Variants in ABCC3 observed in about 807,000 individuals in gnomAD.
ABCC3 encodes the protein ATP-binding cassette sub-family C member 3.
In ABCC3, 121 loss-of-function variants were observed where a neutral mutation model predicts 165.3. That is an observed-to-expected ratio of 0.73 (90% CI 0.63 to 0.85). ABCC3 has a LOEUF of 0.85. Among genes scored for constraint, ABCC3 ranks in the 40% least tolerant of loss-of-function variants. The pLI is 0.00. For synonymous variants in ABCC3, 733 were observed against 810.1 expected, an observed-to-expected ratio of 0.90 and a Z score of 1.62; for missense variants, 1,869 against 1,964.1, an observed-to-expected ratio of 0.95 and a Z score of 0.92.
At position 50,674,224 on chromosome 17, in the gene ABCC3, G is replaced by A. The variant is rs77446380; in HGVS notation, c.2599+566G>A. 1,985 of 151,388 alleles carry A rather than the reference G, an allele frequency of 0.013. 136 individuals are homozygous for A. The East Asian group carries it at 0.2, about 16-fold the overall frequency. 9.4% of individuals were successfully genotyped at this position (151,388 alleles called of 1,614,324 possible). On this transcript the variant is annotated intron_variant, in intron 19 of 30. Transcript: ENST00000285238. ...TGGGACTACAGGCATGCGCCACCACGCCTGGCTAATTTTTGTATTTTTAGT... is the reference window on the plus strand; with the variant it reads ...TGGGACTACAGGCATGCGCCACCACACCTGGCTAATTTTTGTATTTTTAGT...
Position 50,676,256 on chromosome 17 carries a change from C to T in ABCC3, c.3068-22C>T, listed in dbSNP as rs373846419. 1.9e-5 allele frequency: 31 copies of T among 1,601,534 alleles called. No individual in the cohort carries two copies. In the African/African-American group the frequency reaches 2.4e-4, roughly 12 times the overall value. On this transcript the variant is annotated intron_variant, in intron 22 of 30. Transcript: ENST00000285238. ...CCGCTCACTAGTCCAGGTGAGCCAG[C>T]GCCCTCTGCCTTCTCCAACAGGGTT... is the stretch of plus-strand genomic sequence containing the variant.
At chr17:50,667,502 G>C in intron 11 of ABCC3, 52 bp from the exon 12 acceptor site, 1 of 1,508,976 alleles carries the variant, frequency 6.6e-7, no homozygotes, top group Non-Finnish European at 9.1e-7. Context: ...CTGTGAGCAG[G>C]AGGTCAGGGG....
chr17:50,690,353 G>C (rs1968100310), intron 30 of ABCC3, among the ~76,000 whole-genome samples: 2 of 151,360 alleles, frequency 1.3e-5, no homozygotes. Context: ...GGGAGGGGGG[G>C]CGGTGGCCAG....
rs1399663095 is a variant in ABCC3, at chr17:50,673,575, T to C, written c.2516T>C (p.Leu839Pro). 1 of 1,614,232 alleles carries C rather than the reference T, an allele frequency of 6.2e-7. No homozygotes were observed. The highest frequency in any genetic ancestry group is 1.3e-5 in the African/African-American group (1 of 75,064). ...GAGATGGGCCCGTACCCAGCCCTGCTGCAGCGCAACGGCTCCTTTGCCAAC... is the reference window on the plus strand; with the variant it reads ...GAGATGGGCCCGTACCCAGCCCTGCCGCAGCGCAACGGCTCCTTTGCCAAC... ...VSEMGPYPAL[L>P]QRNGSFANFL... The change falls in exon 19 of 31, where the codon CTG (leucine) becomes CCG (proline). Residue 839 changes from leucine to proline, a missense_variant. Coordinates refer to ENST00000285238, the MANE Select transcript of ABCC3 (RefSeq NM_003786.4).
At chr17:50,669,117 A>G in intron 15 of ABCC3, 23 bp from the exon 16 acceptor site, 1 of 1,589,394 alleles carries the variant, frequency 6.3e-7, no homozygotes, top group East Asian at 2.2e-5. Flanking sequence ...CTCTAACTGG[A>G]CTCCTGGGGT....
chr17:50,678,096 G>T lies in ABCC3; in HGVS notation c.3582G>T (p.Trp1194Cys), dbSNP rs770270819. ...SCYPYIISNR[W>C]LSIGVEFVGN... The stretch of plus-strand genomic sequence containing the variant: ...CTCCTCATCTGATCCCCCATAGGTG[G>T]CTGAGCATCGGAGTGGAGTTCGTGG... The change falls in exon 25 of 31, where the codon TGG (tryptophan) becomes TGT (cysteine). Residue 1194 changes from tryptophan (W) to cysteine (C), a missense_variant. By Grantham distance (215) the Trp-to-Cys change is radical. Transcript: ENST00000285238. 15 of 1,604,348 alleles carry T rather than the reference G, an allele frequency of 9.3e-6. No individual in the cohort carries two copies. Among genetic ancestry groups the T allele is most frequent in the Non-Finnish European group, 1.3e-5 (15 of 1,173,968 alleles).
chr17:50,684,767 C>T lies in ABCC3; in HGVS notation c.4172C>T (p.Ser1391Leu), dbSNP rs1967992955. The T allele has an allele frequency of 6.2e-7, 1 of 1,614,170 alleles. No homozygotes were observed. The highest frequency in any genetic ancestry group is 1.1e-5 in the South Asian group (1 of 91,086). ...AACCTGGACCCCTTCGGCAGCTACT[C>T]AGAGGAGGACATTTGGTGGGCTTTG... ...RMNLDPFGSY[S>L]EEDIWWALEL... The change falls in exon 29 of 31, where the codon TCA becomes TTA. Residue 1391 changes from serine (S) to leucine (L), a missense_variant. Transcript: ENST00000285238.
chr17:50,638,892 A>G (rs970038270), intron 1 of ABCC3, among the ~76,000 whole-genome samples: 2 of 152,154 alleles, frequency 1.3e-5, no homozygotes, highest in African/African-American at 2.4e-5. Context: ...GGCCTGCTTC[A>G]GGTCTGGAGT....
At chr17:50,635,772 C>A in intron 1 of ABCC3, 1 of 593,946 alleles carries the variant, frequency 1.7e-6, no homozygotes, top group Non-Finnish European at 3.0e-6. Context: ...TAATCCCACC[C>A]TTTGGGAGGC....
Position 50,673,631 on chromosome 17 carries a change from C to A in ABCC3, c.2572C>A (p.Gln858Lys). ...CTGCAACTATGCCCCCGATGAGGACCAAGGGCACCTGGAGGACAGCTGGAC... is the reference window on the plus strand; with the variant it reads ...CTGCAACTATGCCCCCGATGAGGACAAAGGGCACCTGGAGGACAGCTGGAC... ...FLCNYAPDED[Q>K]GHLEDSWTAL... The change falls in exon 19 of 31, where the codon CAA (glutamine) becomes AAA (lysine). Residue 858 changes from glutamine to lysine, a missense_variant. Gln to Lys is a moderately conservative substitution (Grantham distance 53). Transcript: ENST00000285238. 1 of 1,614,192 alleles carries A rather than the reference C, an allele frequency of 6.2e-7. No individual in the cohort carries two copies. Among genetic ancestry groups the A allele is most frequent in the Non-Finnish European group, 8.5e-7 (1 of 1,180,026 alleles).
intron 1 of ABCC3, among the ~76,000 whole-genome samples, chr17:50,650,523 T>C (rs1169988144): frequency 2.0e-5 from 3 of 152,246 alleles, no homozygotes; most frequent in South Asian, 2.1e-4. Flanking sequence ...ACAACTCTTA[T>C]ATCCATTCAC....
At chr17:50,660,878 C>T in intron 7 of ABCC3, 45 bp from the exon 8 acceptor site, 1 of 1,533,514 alleles carries the variant, frequency 6.5e-7, no homozygotes. Flanking sequence ...TTCCTGGAGC[C>T]CCTGTCCCCA....
chr17:50,681,506 A>G (rs561013942), intron 26 of ABCC3, among the ~76,000 whole-genome samples: 13 of 152,138 alleles, frequency 8.5e-5, no homozygotes, highest in African/African-American at 2.9e-4. Flanking sequence ...TCCCATCCAC[A>G]TGCAAAAATA....
At chr17:50,665,352 A>G in intron 11 of ABCC3, 107 bp downstream of exon 11, 1 of 924,746 alleles carries the variant, frequency 1.1e-6, no homozygotes, top group Non-Finnish European at 1.7e-6. Context: ...CTTCCTGAGT[A>G]TGGATGGCTA....
chr17:50,635,340 C>G (rs1441319577), intron 1 of ABCC3: 1 of 632,960 alleles, frequency 1.6e-6, no homozygotes, highest in East Asian at 2.7e-5. Context: ...TCGCAATCAG[C>G]CGCGGGTTCC....
intron 1 of ABCC3, among the ~76,000 whole-genome samples, chr17:50,650,192 G>A (rs1352475271): frequency 6.6e-6 from 1 of 152,072 alleles, no homozygotes; most frequent in African/African-American, 2.4e-5. Context: ...TGCAACCTCC[G>A]CCTCCCGGGT....
chr17:50,659,776 A>G (rs9905584), intron 7 of ABCC3, among the ~76,000 whole-genome samples: 42,945 of 151,964 alleles, frequency 0.28, 6,463 homozygotes, highest in East Asian at 0.4. Flanking sequence ...CTTGAGTCCA[A>G]GAGTTCAAGA....
intron 10 of ABCC3, 68 bp from the exon 11 acceptor site, chr17:50,665,085 G>GT: frequency 2.1e-6 from 3 of 1,413,382 alleles, no homozygotes; most frequent in Non-Finnish European, 3.0e-6. Flanking sequence ...CTGTTTGCCT[G>GT]TTGGGTTCTC....
chr17:50,685,237 G>T (rs1313177446), intron 29 of ABCC3, among the ~76,000 whole-genome samples: 1 of 152,280 alleles, frequency 6.6e-6, no homozygotes, highest in East Asian at 1.9e-4. Flanking sequence ...CTTTCTTACA[G>T]CCCCAGATTT....
Sources: allele counts gnomAD v4.1 joint callset (sites outside exome capture counted in the v4.1 genomes callset), GRCh38; gene constraint gnomAD v4.1.1; transcripts MANE v1.5; gene names NCBI Gene and HGNC (gene_info 2026-07-23, HGNC 2026-07-21).